CETN1: variants seen among roughly 807,000 people sequenced by gnomAD.
The protein encoded by CETN1 is centrin-1.
CETN1 carries 6 observed loss-of-function variants against 8.1 expected under a neutral mutation model. The ratio of observed to expected loss-of-function variants is 0.74; its 90% CI spans 0.40 to 1.46. The LOEUF (loss-of-function observed/expected upper bound fraction) is 1.46. CETN1 is among the 40% of genes most tolerant of loss of function. The probability of loss-of-function intolerance (pLI) is 0.02; values close to 1 mark genes in which losing one functional copy is unlikely to be tolerated. For synonymous variants in CETN1, 99 were observed against 90.3 expected, an observed-to-expected ratio of 1.10 and a Z score of -0.55; for missense variants, 215 against 226.2, an observed-to-expected ratio of 0.95 and a Z score of 0.32.
Position 580,666 on chromosome 18 carries a change from C to A in CETN1, c.258C>A (p.Phe86Leu). Residue 86 changes from phenylalanine (F) to leucine (L), a missense_variant, in exon 1 of 1, where the codon TTC becomes TTA. Coordinates refer to ENST00000327228, the MANE Select transcript of CETN1 (RefSeq NM_004066.3). This position sits in a 1 kb window ranked among gnomAD's most constrained non-coding sequence, Gnocchi z 6.1. Reference sequence around the variant, plus strand: ...GGGAAGGCACGGGGAAGATCAGCTTCAATGACTTCCTGGCCGTGATGACGC... The same window carrying A: ...GGGAAGGCACGGGGAAGATCAGCTTAAATGACTTCCTGGCCGTGATGACGC... ...VDREGTGKIS[F>L]NDFLAVMTQK... 6.2e-7 allele frequency: 1 copy of A among 1,614,012 alleles called. No individual in the cohort carries two copies. The highest frequency in any genetic ancestry group is 8.5e-7 in the Non-Finnish European group (1 of 1,180,030).
In CETN1 at chr18:581,741, C is replaced by T. The variant is rs539553580; in HGVS notation, c.*814C>T. 1 of 166,448 alleles carries T rather than the reference C, an allele frequency of 6.0e-6. No homozygotes were observed. The highest frequency in any genetic ancestry group is 2.1e-4 in the South Asian group (1 of 4,834). The allele number at this position is 166,448 out of a possible 1,614,324, so 10.3% of individuals were successfully genotyped here. On this transcript the variant is annotated 3_prime_UTR_variant, in exon 1 of 1. Transcript: ENST00000327228. ...TACCTTAATATAACATTTTAAGCTACTTATAGTCCTTGGAAATAGCAACAA... is the reference window on the plus strand; with the variant it reads ...TACCTTAATATAACATTTTAAGCTATTTATAGTCCTTGGAAATAGCAACAA...
At position 580,794 on chromosome 18, in the gene CETN1, T is replaced by G. The variant is rs567038438; in HGVS notation, c.386T>G (p.Val129Gly). 1.9e-6 allele frequency: 3 copies of G among 1,613,872 alleles called. No homozygotes were observed. The highest frequency in any genetic ancestry group is 2.2e-5 in the South Asian group (2 of 91,064). ...ATCTCGTTCAAAAACCTGAAGCGTG[T>G]GGCCAACGAGCTGGGGGAGAACCTC... is the stretch of plus-strand genomic sequence containing the variant. ...GKISFKNLKRVANELGENLTD... is the reference protein window; with the variant it reads ...GKISFKNLKRGANELGENLTD... The change falls in exon 1 of 1, where the codon GTG becomes GGG. Residue 129 changes from valine to glycine, a missense_variant. By Grantham distance (109) the Val-to-Gly change is moderately radical. Coordinates refer to ENST00000327228, the MANE Select transcript of CETN1 (RefSeq NM_004066.3). The surrounding 1 kb of genome is among the most constrained non-coding windows in gnomAD (Gnocchi z 6.1).
In CETN1 at chr18:581,332, G is replaced by T; in HGVS notation, c.*405G>T. The T allele has an allele frequency of 5.5e-6, 1 of 181,082 alleles. No homozygotes were observed. Among genetic ancestry groups the T allele is most frequent in the South Asian group, 1.6e-4 (1 of 6,222 alleles). 11.2% of individuals were successfully genotyped at this position (181,082 alleles called of 1,614,324 possible). A position where few individuals can be genotyped will look rare whatever the true frequency, so the allele number is the denominator to read the frequency against. ...TCCTTAAATTCCAGTCATTGTTCCA[G>T]CATAATGAGATGGAATCTGCCAGTA... On this transcript the variant is annotated 3_prime_UTR_variant, in exon 1 of 1. Coordinates refer to ENST00000327228, the MANE Select transcript of CETN1 (RefSeq NM_004066.3).
chr18:580,767 A>G lies in CETN1; in HGVS notation c.359A>G (p.Lys120Arg), dbSNP rs754663753. ...CTCTTTGATGACGATGAGACCGGGA[A>G]GATCTCGTTCAAAAACCTGAAGCGT... ...FRLFDDDETG[K>R]ISFKNLKRVA... Residue 120 changes from lysine to arginine, a missense_variant, in exon 1 of 1, where the codon AAG (lysine) becomes AGG (arginine). Transcript: ENST00000327228. This position sits in a 1 kb window ranked among gnomAD's most constrained non-coding sequence, Gnocchi z 6.1. The G allele has an allele frequency of 4.0e-5, 65 of 1,614,090 alleles. No individual in the cohort carries two copies. The South Asian group carries it at 6.6e-4, about 16-fold the overall frequency.
In CETN1 at chr18:580,988, G is replaced by A; in HGVS notation, c.*61G>A. ...CCTGCTTCCATTTTGTGAAACCTTA[G>A]AGGACAGCGGCTGCCTGTCCCTTCT... On this transcript the variant is annotated 3_prime_UTR_variant, in exon 1 of 1. Coordinates refer to ENST00000327228, the MANE Select transcript of CETN1 (RefSeq NM_004066.3). The surrounding 1 kb of genome is among the most constrained non-coding windows in gnomAD (Gnocchi z 6.1). 1 of 1,536,314 alleles carries A rather than the reference G, an allele frequency of 6.5e-7. No homozygotes were observed. Among genetic ancestry groups the A allele is most frequent in the Non-Finnish European group, 8.8e-7 (1 of 1,140,212 alleles).
Position 580,791 on chromosome 18 carries a change from G to A in CETN1, c.383G>A (p.Arg128His), listed in dbSNP as rs547534764. ...AAGATCTCGTTCAAAAACCTGAAGC[G>A]TGTGGCCAACGAGCTGGGGGAGAAC... ...TGKISFKNLKRVANELGENLT... is the reference protein window; with the variant it reads ...TGKISFKNLKHVANELGENLT... The change falls in exon 1 of 1, where the codon CGT becomes CAT. Residue 128 changes from arginine (R) to histidine (H), a missense_variant. Coordinates refer to ENST00000327228, the MANE Select transcript of CETN1 (RefSeq NM_004066.3). The surrounding 1 kb of genome is among the most constrained non-coding windows in gnomAD (Gnocchi z 6.1). 14 of 1,614,014 alleles carry A rather than the reference G, an allele frequency of 8.7e-6. No homozygotes were observed. In the African/African-American group the frequency reaches 1.2e-4, roughly 14 times the overall value.
In CETN1 at chr18:581,462, A is replaced by G. The variant is rs1382696299; in HGVS notation, c.*535A>G. ...GGACAGATAATCTTATAAAGAATAG[A>G]CTTGCTTGGGTGGTAGTACGTTGTG... is the stretch of plus-strand genomic sequence containing the variant. On this transcript the variant is annotated 3_prime_UTR_variant, in exon 1 of 1. Transcript: ENST00000327228. 5.9e-6 allele frequency: 1 copy of G among 168,338 alleles called. No homozygotes were observed. The highest frequency in any genetic ancestry group is 2.4e-5 in the African/African-American group (1 of 41,464). The allele number at this position is 168,338 out of a possible 1,614,324, so 10.4% of individuals were successfully genotyped here.
rs1483176907 is a variant in CETN1 at position 580,777 on chromosome 18, C to CAA, written c.373_374dup (p.Asn125LysfsTer3). 6.2e-7 allele frequency: 1 copy of CAA among 1,613,862 alleles called. No individual in the cohort carries two copies. The highest frequency in any genetic ancestry group is 8.5e-7 in the Non-Finnish European group (1 of 1,179,978). ...ACGATGAGACCGGGAAGATCTCGTTCAAAAACCTGAAGCGTGTGGCCAACG... is the reference window on the plus strand; with the variant it reads ...ACGATGAGACCGGGAAGATCTCGTTCAAAAAAACCTGAAGCGTGTGGCCAACG... On this transcript the variant is annotated frameshift_variant, in exon 1 of 1. Transcript: ENST00000327228. LOFTEE classifies it high-confidence loss of function. This position sits in a 1 kb window ranked among gnomAD's most constrained non-coding sequence, Gnocchi z 6.1.
Position 581,057 on chromosome 18 carries a change from C to A in CETN1, c.*130C>A. On this transcript the variant is annotated 3_prime_UTR_variant, in exon 1 of 1. Transcript: ENST00000327228. The stretch of plus-strand genomic sequence containing the variant: ...AATTTGTCTAGATCTATTTCCATAT[C>A]TCTAGTTCAATAATAGAATTTGAAA... 1 of 929,952 alleles carries A rather than the reference C, an allele frequency of 1.1e-6. No individual in the cohort carries two copies. The highest frequency in any genetic ancestry group is 1.6e-6 in the Non-Finnish European group (1 of 621,326). 57.6% of individuals were successfully genotyped at this position (929,952 alleles called of 1,614,324 possible).
chr18:581,009 C>A lies in CETN1; in HGVS notation c.*82C>A. Reference sequence around the variant, plus strand: ...CTTAGAGGACAGCGGCTGCCTGTCCCTTCTTCACCCCCTCACCCCCATAAT... The same window carrying A: ...CTTAGAGGACAGCGGCTGCCTGTCCATTCTTCACCCCCTCACCCCCATAAT... On this transcript the variant is annotated 3_prime_UTR_variant, in exon 1 of 1. Coordinates refer to ENST00000327228, the MANE Select transcript of CETN1 (RefSeq NM_004066.3). 1 of 1,407,716 alleles carries A rather than the reference C, an allele frequency of 7.1e-7. No homozygotes were observed. The highest frequency in any genetic ancestry group is 1.4e-5 in the South Asian group (1 of 71,706). The allele number at this position is 1,407,716 out of a possible 1,614,324, so 87.2% of individuals were successfully genotyped here.
chr18:581,089 T>C lies in CETN1; in HGVS notation c.*162T>C, dbSNP rs2072547867. ...TCAATAATAGAATTTGAAAGATGCTTGTAATGTGAGTTTTGGGTTTTAATT... is the reference window on the plus strand; with the variant it reads ...TCAATAATAGAATTTGAAAGATGCTCGTAATGTGAGTTTTGGGTTTTAATT... On this transcript the variant is annotated 3_prime_UTR_variant, in exon 1 of 1. Coordinates refer to ENST00000327228, the MANE Select transcript of CETN1 (RefSeq NM_004066.3). 7.6e-6 allele frequency: 6 copies of C among 789,470 alleles called. No homozygotes were observed. The highest frequency in any genetic ancestry group is 1.2e-5 in the Non-Finnish European group (6 of 502,692). 48.9% of individuals were successfully genotyped at this position (789,470 alleles called of 1,614,324 possible). A position where few individuals can be genotyped will look rare whatever the true frequency, so the allele number is the denominator to read the frequency against.
In CETN1 at chr18:581,280, C is replaced by A; in HGVS notation, c.*353C>A. 1 of 204,502 alleles carries A rather than the reference C, an allele frequency of 4.9e-6. No individual in the cohort carries two copies. Among genetic ancestry groups the A allele is most frequent in the Non-Finnish European group, 1.1e-5 (1 of 92,128 alleles). 12.7% of individuals were successfully genotyped at this position (204,502 alleles called of 1,614,324 possible). A position where few individuals can be genotyped will look rare whatever the true frequency, so the allele number is the denominator to read the frequency against. ...TTCCCTTTGTCACTTCTTTGGTGGT[C>A]TTAAATTATCTTGCTTCATATATCA... On this transcript the variant is annotated 3_prime_UTR_variant, in exon 1 of 1. Coordinates refer to ENST00000327228, the MANE Select transcript of CETN1 (RefSeq NM_004066.3).
rs3216112 is a variant in CETN1 at position 581,204 on chromosome 18, T to TAAA, written c.*277_*278insAAA. 1 of 213,312 alleles carries TAAA rather than the reference T, an allele frequency of 4.7e-6. No homozygotes were observed. The highest frequency in any genetic ancestry group is 5.6e-5 in the Admixed American group (1 of 17,716). The allele number at this position is 213,312 out of a possible 1,614,324, so 13.2% of individuals were successfully genotyped here. On this transcript the variant is annotated 3_prime_UTR_variant, in exon 1 of 1. Coordinates refer to ENST00000327228, the MANE Select transcript of CETN1 (RefSeq NM_004066.3). ...ATTTGCCCTGTGCTGAACTTGCTGT[T>TAAA]CATCTGTTGATCTGGAGGCAGGACA...
At position 581,656 on chromosome 18, in the gene CETN1, C is replaced by T. The variant is rs2072550899; in HGVS notation, c.*729C>T. On this transcript the variant is annotated 3_prime_UTR_variant, in exon 1 of 1. Coordinates refer to ENST00000327228, the MANE Select transcript of CETN1 (RefSeq NM_004066.3). ...TAATTTGCTTAAGAGGTTACGCTAA[C>T]AAACGATTTTGAGTAAATATTTACA... The T allele has an allele frequency of 6.0e-6, 1 of 166,892 alleles. No homozygotes were observed. Among genetic ancestry groups the T allele is most frequent in the Admixed American group, 6.5e-5 (1 of 15,286 alleles). The allele number at this position is 166,892 out of a possible 1,614,324, so 10.3% of individuals were successfully genotyped here.
In CETN1 at chr18:581,318, C is replaced by T. The variant is rs2072549247; in HGVS notation, c.*391C>T. On this transcript the variant is annotated 3_prime_UTR_variant, in exon 1 of 1. Coordinates refer to ENST00000327228, the MANE Select transcript of CETN1 (RefSeq NM_004066.3). The stretch of plus-strand genomic sequence containing the variant: ...GCTTCATATATCATTCCTTAAATTC[C>T]AGTCATTGTTCCAGCATAATGAGAT... The T allele has an allele frequency of 5.4e-6, 1 of 184,356 alleles. No homozygotes were observed. The highest frequency in any genetic ancestry group is 1.3e-5 in the Non-Finnish European group (1 of 78,614). 11.4% of individuals were successfully genotyped at this position (184,356 alleles called of 1,614,324 possible).
Position 581,024 on chromosome 18 carries a change from AC to A in CETN1, c.*102del. On this transcript the variant is annotated 3_prime_UTR_variant, in exon 1 of 1. Coordinates refer to ENST00000327228, the MANE Select transcript of CETN1 (RefSeq NM_004066.3). ...CTGCCTGTCCCTTCTTCACCCCCTCACCCCCATAATTTGTCTAGATCTATTT... is the reference window on the plus strand; with the variant it reads ...CTGCCTGTCCCTTCTTCACCCCCTCACCCCATAATTTGTCTAGATCTATTT... 2.3e-6 allele frequency: 3 copies of A among 1,279,092 alleles called. No homozygotes were observed. The highest frequency in any genetic ancestry group is 1.5e-5 in the African/African-American group (1 of 67,116). The allele number at this position is 1,279,092 out of a possible 1,614,324, so 79.2% of individuals were successfully genotyped here.
chr18:580,702 C>T lies in CETN1; in HGVS notation c.294C>T (p.Ser98=), dbSNP rs1181031858. Residue 98 remains serine, a synonymous_variant, in exon 1 of 1, where the codon TCC becomes TCT. Transcript: ENST00000327228. The surrounding 1 kb of genome is among the most constrained non-coding windows in gnomAD (Gnocchi z 6.1). ...TGGCCGTGATGACGCAGAAGATGTCCGAGAAGGACACCAAAGAAGAAATCC... is the reference window on the plus strand; with the variant it reads ...TGGCCGTGATGACGCAGAAGATGTCTGAGAAGGACACCAAAGAAGAAATCC... ...DFLAVMTQKM[S]EKDTKEEILK... is the part of the protein sequence containing the mutation. 5.0e-6 allele frequency: 8 copies of T among 1,613,676 alleles called. No homozygotes were observed. The highest frequency in any genetic ancestry group is 1.6e-4 in the Middle Eastern group (1 of 6,084).
In CETN1 at chr18:580,915, C is replaced by T. The variant is rs1567946160; in HGVS notation, c.507C>T (p.Thr169=). Reference sequence around the variant, plus strand: ...AGTTCCTTCGGATCATGAAGAAGACCAGCCTTTACTGAAGTCGGTTCAGAA... The same window carrying T: ...AGTTCCTTCGGATCATGAAGAAGACTAGCCTTTACTGAAGTCGGTTCAGAA... The part of the protein sequence containing the change: ...EEEFLRIMKK[T]SLY The change falls in exon 1 of 1, where the codon ACC becomes ACT. Residue 169 remains threonine, a synonymous_variant. Transcript: ENST00000327228. The surrounding 1 kb of genome is among the most constrained non-coding windows in gnomAD (Gnocchi z 6.1). The T allele has an allele frequency of 1.3e-5, 21 of 1,609,780 alleles. No individual in the cohort carries two copies. Among genetic ancestry groups the T allele is most frequent in the Non-Finnish European group, 1.5e-5 (18 of 1,177,268 alleles).
Position 580,924 on chromosome 18 carries a change from C to G in CETN1, c.516C>G (p.Tyr172Ter). The G allele has an allele frequency of 6.2e-7, 1 of 1,606,788 alleles. No individual in the cohort carries two copies. The highest frequency in any genetic ancestry group is 1.3e-5 in the African/African-American group (1 of 74,798). Reference protein sequence around the residue: ...FLRIMKKTSLY With the variant: ...FLRIMKKTSL ...GGATCATGAAGAAGACCAGCCTTTA[C>G]TGAAGTCGGTTCAGAAGCTAAAGTG... Residue 172 changes from tyrosine (Y) to a stop codon, truncating the protein, a stop_gained, in exon 1 of 1, where the codon TAC (tyrosine) becomes TAG (stop). Coordinates refer to ENST00000327228, the MANE Select transcript of CETN1 (RefSeq NM_004066.3). LOFTEE classifies it high-confidence loss of function. The surrounding 1 kb of genome is among the most constrained non-coding windows in gnomAD (Gnocchi z 6.1).
Sources: allele counts gnomAD v4.1 joint callset, GRCh38; gene constraint gnomAD v4.1.1; non-coding constraint Gnocchi (gnomAD v3.1); transcripts MANE v1.5; gene names NCBI Gene and HGNC (gene_info 2026-07-23, HGNC 2026-07-21).